Variants in EPHB1 observed in about 807,000 individuals in gnomAD.
EPHB1 encodes the protein EPH receptor B1, also known as ephrin type-B receptor 1.
A neutral mutation model predicts 94.4 loss-of-function variants in EPHB1; 30 were observed. That is an observed-to-expected ratio of 0.32 (90% CI 0.24 to 0.43). The LOEUF (loss-of-function observed/expected upper bound fraction) is 0.43, where lower values mean the gene tolerates loss of function less well. Ranked by LOEUF, EPHB1 falls within the 20% of genes least tolerant of loss-of-function variation. The probability of loss-of-function intolerance (pLI) is 1.00; values close to 1 mark genes in which losing one functional copy is unlikely to be tolerated. For synonymous variants in EPHB1, 522 were observed against 489.1 expected (o/e 1.07, Z -0.89); for missense variants, 1,055 against 1,308.3 (o/e 0.81, Z 2.99).
intron 3 of EPHB1, among the ~76,000 whole-genome samples, chr3:135,053,498 C>G (rs1937254943): frequency 6.6e-6 from 1 of 152,092 alleles, no homozygotes; most frequent in Non-Finnish European, 1.5e-5. Context: ...CAGGATGTAA[C>G]AGTGTAAGAC....
chr3:134,822,919 G>A (rs1300669710), intron 1 of EPHB1, among the ~76,000 whole-genome samples: 4 of 152,164 alleles, frequency 2.6e-5, no homozygotes, highest in Non-Finnish European at 5.9e-5. Context: ...GGCAAGGCCT[G>A]CAACCTTGCC....
intron 3 of EPHB1, among the ~76,000 whole-genome samples, chr3:134,975,928 T>C (rs540463418): frequency 3.0e-4 from 45 of 151,780 alleles, no homozygotes; most frequent in Middle Eastern, 3.4e-3. Flanking sequence ...TAGATGAGGA[T>C]ATAGGATGAA....
intron 5 of EPHB1, among the ~76,000 whole-genome samples, chr3:135,145,384 C>A (rs934573639): frequency 6.6e-6 from 1 of 152,190 alleles, no homozygotes; most frequent in Non-Finnish European, 1.5e-5. Context: ...ACAACCCCAT[C>A]ACTCATAGCT....
chr3:134,857,621 A>G (rs576616513), intron 1 of EPHB1, among the ~76,000 whole-genome samples: 1 of 152,178 alleles, frequency 6.6e-6, no homozygotes, highest in East Asian at 2.0e-4. Context: ...ACTCACGGGA[A>G]TAGAAACAAA....
chr3:134,952,474 A>G (rs1305822085), intron 3 of EPHB1, among the ~76,000 whole-genome samples: 1 of 152,004 alleles, frequency 6.6e-6, no homozygotes, highest in Non-Finnish European at 1.5e-5. Context: ...GCCATGGACA[A>G]TTCACTGAAG....
chr3:135,196,179 G>C (rs554353136), intron 11 of EPHB1, among the ~76,000 whole-genome samples: 1 of 152,052 alleles, frequency 6.6e-6, no homozygotes, highest in East Asian at 1.9e-4. Context: ...TTTTGATGGG[G>C]TTGTTTGTTT....
intron 1 of EPHB1, among the ~76,000 whole-genome samples, chr3:134,919,396 A>G (rs1230714018): frequency 6.6e-6 from 1 of 152,204 alleles, no homozygotes; most frequent in East Asian, 1.9e-4. Flanking sequence ...GATAGAACAC[A>G]GGCTGGTGCC....
intron 10 of EPHB1, among the ~76,000 whole-genome samples, chr3:135,188,166 T>TAC (rs1459297517): frequency 6.6e-6 from 1 of 150,970 alleles, no homozygotes; most frequent in Non-Finnish European, 1.5e-5. Flanking sequence ...ATCACTGTAC[T>TAC]ACAGCCTGGG....
chr3:135,168,703 G>A (rs1941723446), intron 9 of EPHB1, among the ~76,000 whole-genome samples: 1 of 152,098 alleles, frequency 6.6e-6, no homozygotes, highest in South Asian at 2.1e-4. Flanking sequence ...TTGCCTCCCT[G>A]ACTCTTGCTC....
intron 1 of EPHB1, among the ~76,000 whole-genome samples, chr3:134,879,312 C>G (rs969970514): frequency 5.3e-5 from 8 of 152,064 alleles, no homozygotes; most frequent in African/African-American, 2.4e-5. Flanking sequence ...AAGCCAAACC[C>G]ACTTGCCAAG....
chr3:134,845,076 A>G (rs550816147), intron 1 of EPHB1, among the ~76,000 whole-genome samples: 11 of 152,334 alleles, frequency 7.2e-5, no homozygotes, highest in Admixed American at 1.3e-4. Context: ...AAAATGACTG[A>G]CAGAGAGTGC....
chr3:134,980,553 A>G (rs1027177676), intron 3 of EPHB1, among the ~76,000 whole-genome samples: 1 of 152,192 alleles, frequency 6.6e-6, no homozygotes, highest in Non-Finnish European at 1.5e-5. Flanking sequence ...GTACAGTGCT[A>G]TCTAGAAGAA....
At position 135,106,517 on chromosome 3, in the gene EPHB1, G is replaced by A. The variant is rs761687482; in HGVS notation, c.875G>A (p.Arg292His). The change falls in exon 4 of 16, where the codon CGC becomes CAC. Residue 292 changes from arginine to histidine, a missense_variant. By Grantham distance (29) the Arg-to-His change is conservative. Coordinates refer to ENST00000398015, the MANE Select transcript of EPHB1 (RefSeq NM_004441.5). Reference sequence around the variant, plus strand: ...TGCTCCCACTGCCCCTCCAACAGCCGCTCCCCTGCAGAGGCGTCTCCCATC... The same window carrying A: ...TGCTCCCACTGCCCCTCCAACAGCCACTCCCCTGCAGAGGCGTCTCCCATC... Reference protein sequence around the residue: ...EGCSHCPSNSRSPAEASPICT... With the variant: ...EGCSHCPSNSHSPAEASPICT... 79 of 1,613,842 alleles carry A rather than the reference G, an allele frequency of 4.9e-5. No individual in the cohort carries two copies. In the South Asian group the frequency reaches 5.2e-4, roughly 11 times the overall value.
intron 1 of EPHB1, among the ~76,000 whole-genome samples, chr3:134,919,790 G>A (rs1246906923): frequency 6.6e-6 from 1 of 152,012 alleles, no homozygotes; most frequent in African/African-American, 2.4e-5. Context: ...GGACTGGGGG[G>A]TATTATTTAA....
chr3:135,221,482 T>A (rs1943278886), intron 12 of EPHB1, among the ~76,000 whole-genome samples: 1 of 152,226 alleles, frequency 6.6e-6, no homozygotes, highest in Admixed American at 6.5e-5. Context: ...CTTTCCTTGT[T>A]CTATTTTTCA....
rs1941640634 is a variant in EPHB1 at position 135,165,963 on chromosome 3, C to T, written c.1586-5C>T. On this transcript the variant is annotated splice_polypyrimidine_tract_variant and splice_region_variant and intron_variant, in intron 7 of 15. Transcript: ENST00000398015. Reference sequence around the variant, plus strand: ...GGAGGATTCTAATGCCTCTTTCTCACCTAGATGATTACAAGTCAGAGCTGA... The same window carrying T: ...GGAGGATTCTAATGCCTCTTTCTCATCTAGATGATTACAAGTCAGAGCTGA... The T allele has an allele frequency of 3.7e-6, 6 of 1,612,410 alleles. No individual in the cohort carries two copies. Among genetic ancestry groups the T allele is most frequent in the Non-Finnish European group, 3.4e-6 (4 of 1,178,602 alleles).
At chr3:135,164,750 A>G (rs944109962) in intron 7 of EPHB1, among the ~76,000 whole-genome samples, 1 of 149,054 alleles carries the variant, frequency 6.7e-6, no homozygotes, top group African/African-American at 2.5e-5. Flanking sequence ...CGGAGGTTAC[A>G]GTGAGCCAAG....
intron 5 of EPHB1, among the ~76,000 whole-genome samples, chr3:135,141,684 A>C (rs1400023973): frequency 6.6e-6 from 1 of 152,160 alleles, no homozygotes; most frequent in Non-Finnish European, 1.5e-5. Context: ...TTGGGAGGGC[A>C]AGGAAAGTAG....
intron 10 of EPHB1, among the ~76,000 whole-genome samples, chr3:135,180,700 G>C (rs1031683759): frequency 2.6e-5 from 4 of 152,136 alleles, no homozygotes; most frequent in Non-Finnish European, 5.9e-5. Flanking sequence ...CCTTTAATGG[G>C]TTAGTAGCTG....
Sources: allele counts gnomAD v4.1 joint callset (sites outside exome capture counted in the v4.1 genomes callset), GRCh38; gene constraint gnomAD v4.1.1; transcripts MANE v1.5; gene names NCBI Gene and HGNC (gene_info 2026-07-23, HGNC 2026-07-21).